Variants in ALG8 observed in about 807,000 individuals in gnomAD.
The protein encoded by ALG8 is dolichyl pyrophosphate Glc1Man9GlcNAc2 alpha-1,3-glucosyltransferase.
In ALG8, 48 loss-of-function variants were observed where a neutral mutation model predicts 70.2. The observed-to-expected ratio is 0.68, with a 90% CI of 0.54 to 0.87. The LOEUF (loss-of-function observed/expected upper bound fraction) is 0.87, where lower values mean the gene tolerates loss of function less well. Ranked by LOEUF, ALG8 falls within the 40% of genes least tolerant of loss-of-function variation. ALG8 has a pLI of 0.00. For missense variants in ALG8, 572 were observed against 608.7 expected, an observed-to-expected ratio of 0.94 and a Z score of 0.64; for synonymous variants, 234 against 229.0, an observed-to-expected ratio of 1.02 and a Z score of -0.20.
chr11:78,136,415 T>C (rs1320965833), intron 1 of ALG8, among the ~76,000 whole-genome samples: 4 of 151,984 alleles, frequency 2.6e-5, no homozygotes, highest in Non-Finnish European at 5.9e-5. Context: ...GCATCTGTCT[T>C]TGTCCCAGCT....
intron 10 of ALG8, 115 bp downstream of exon 10, chr11:78,106,692 A>G: frequency 7.2e-7 from 1 of 1,381,278 alleles, no homozygotes; most frequent in Non-Finnish European, 1.0e-6. Flanking sequence ...ATCTGTTCCT[A>G]TACATCTTTG....
chr11:78,129,143 G>C (rs369423722), intron 1 of ALG8, among the ~76,000 whole-genome samples: 2 of 151,844 alleles, frequency 1.3e-5, no homozygotes, highest in Non-Finnish European at 2.9e-5. Flanking sequence ...AAGTGGGGCC[G>C]GGCGCGGTGG....
rs372251008 is a variant in ALG8 at position 78,104,473 on chromosome 11, C to A, written c.1179-20G>T. 4.0e-5 allele frequency: 62 copies of A among 1,550,866 alleles called. 1 individual carries two copies. In the African/African-American group the frequency reaches 8.2e-4, roughly 21 times the overall value. On this transcript the variant is annotated intron_variant, in intron 10 of 12. Transcript: ENST00000299626. ...AAAAGGCTAAAAATAAAAATAATTT[C>A]TTAAAACAACAACTGTTATTACACT...
At chr11:78,114,709 C>T (rs1216350664) in intron 5 of ALG8, 1 of 432,376 alleles carries the variant, frequency 2.3e-6, no homozygotes, top group Non-Finnish European at 4.5e-6. Context: ...CTCACACCTG[C>T]AATCCCAGCA....
chr11:78,109,019 C>G (rs1285223942), intron 9 of ALG8, among the ~76,000 whole-genome samples: 1 of 152,208 alleles, frequency 6.6e-6, no homozygotes, highest in African/African-American at 2.4e-5. Flanking sequence ...ACTCTCTCAA[C>G]TCATTATCAC....
At chr11:78,104,663 G>A (rs564471416) in intron 10 of ALG8, 266 of 495,674 alleles carry the variant, frequency 5.4e-4, no homozygotes, top group Non-Finnish European at 8.3e-4. Context: ...CAGGGGTATC[G>A]TAAAAGAATC....
In ALG8 at chr11:78,104,044, T is replaced by C. The variant is rs200068321; in HGVS notation, c.1285A>G (p.Ile429Val). 1.5e-4 allele frequency: 231 copies of C among 1,495,074 alleles called. No individual in the cohort carries two copies. Among genetic ancestry groups the C allele is most frequent in the Middle Eastern group, 3.4e-4 (2 of 5,868 alleles). The allele number at this position is 1,495,074 out of a possible 1,614,324, so 92.6% of individuals were successfully genotyped here. Residue 429 changes from isoleucine (I) to valine (V), a missense_variant, in exon 12 of 13, where the codon ATT becomes GTT. By Grantham distance (29) the Ile-to-Val change is conservative. Coordinates refer to ENST00000299626, the MANE Select transcript of ALG8 (RefSeq NM_024079.5). ...PLLFTAPELP[I>V]KILLMLLFTI... ...AATAGTAACATGAGTAAGATTTTAA[T>C]GGGAAGTTCTGTTAAAAGAATAGAA...
At chr11:78,125,979 G>A (rs1194356771) in intron 2 of ALG8, among the ~76,000 whole-genome samples, 1 of 151,806 alleles carries the variant, frequency 6.6e-6, no homozygotes, top group East Asian at 2.0e-4. Context: ...CTAATATGGT[G>A]AAACCCCGTC....
chr11:78,122,607 G>C (rs138053947), intron 3 of ALG8, among the ~76,000 whole-genome samples: 4 of 152,194 alleles, frequency 2.6e-5, no homozygotes, highest in Admixed American at 2.0e-4. Context: ...CTCCCAAAGT[G>C]CTGGGATTAA....
intron 5 of ALG8, among the ~76,000 whole-genome samples, chr11:78,118,023 A>G (rs546875852): frequency 6.6e-6 from 1 of 150,848 alleles, no homozygotes; most frequent in African/African-American, 2.4e-5. Context: ...GTGAGCCAAG[A>G]TCGCGCCACT....
chr11:78,120,501 T>C (rs866068042), intron 4 of ALG8, among the ~76,000 whole-genome samples: 5 of 152,214 alleles, frequency 3.3e-5, no homozygotes, highest in Admixed American at 6.5e-5. Context: ...CTAAAGCTGC[T>C]AATGGCAACT....
chr11:78,134,378 C>T (rs1388137359), intron 1 of ALG8, among the ~76,000 whole-genome samples: 1 of 152,056 alleles, frequency 6.6e-6, no homozygotes, highest in African/African-American at 2.4e-5. Context: ...CCTCAGGTGA[C>T]CCGCCCGCCT....
At chr11:78,135,981 C>A (rs961803174) in intron 1 of ALG8, among the ~76,000 whole-genome samples, 10 of 151,856 alleles carry the variant, frequency 6.6e-5, no homozygotes, top group African/African-American at 2.4e-4. Context: ...CGAGCCTGGG[C>A]AACATGGTGA....
intron 1 of ALG8, among the ~76,000 whole-genome samples, chr11:78,129,099 G>A (rs149858557): frequency 0.013 from 2,021 of 152,026 alleles, 51 homozygotes; most frequent in African/African-American, 0.045. Context: ...TGCATAGTAT[G>A]CTCACTAAAA....
intron 8 of ALG8, among the ~76,000 whole-genome samples, chr11:78,111,275 A>G (rs932111314): frequency 1.3e-5 from 2 of 152,170 alleles, no homozygotes; most frequent in African/African-American, 4.8e-5. Flanking sequence ...AGGTGGTAAA[A>G]CTGAACTCAG....
At chr11:78,118,391 G>A (rs944833340) in intron 5 of ALG8, among the ~76,000 whole-genome samples, 11 of 152,092 alleles carry the variant, frequency 7.2e-5, no homozygotes, top group East Asian at 5.8e-4. Flanking sequence ...TGAGGCGGGC[G>A]GAACACTTGA....
At position 78,101,055 on chromosome 11, in the gene ALG8, A is replaced by C; in HGVS notation, c.1490T>G (p.Val497Gly). The C allele has an allele frequency of 1.2e-6, 2 of 1,614,218 alleles. No individual in the cohort carries two copies. Among genetic ancestry groups the C allele is most frequent in the Non-Finnish European group, 1.7e-6 (2 of 1,180,040 alleles). Residue 497 changes from valine to glycine, a missense_variant, in exon 13 of 13, where the codon GTG becomes GGG. Coordinates refer to ENST00000299626, the MANE Select transcript of ALG8 (RefSeq NM_024079.5). ...ATATGTGATGCCTACTGCACAATACACTGAGGTTAGTAACAAAGGGATGAA... is the reference window on the plus strand; with the variant it reads ...ATATGTGATGCCTACTGCACAATACCCTGAGGTTAGTAACAAAGGGATGAA... ...YPFIPLLLTS[V>G]YCAVGITYAW... is the part of the protein sequence containing the mutation.
intron 12 of ALG8, chr11:78,102,983 TA>T (rs1859864183): frequency 6.4e-6 from 1 of 156,564 alleles, no homozygotes; most frequent in South Asian, 1.9e-4. Context: ...TAGTTAACAT[TA>T]CATACAGTTT....
chr11:78,102,951 CA>C (rs35218171), intron 12 of ALG8: 73,634 of 119,684 alleles, frequency 0.62, 19,521 homozygotes, highest in African/African-American at 0.68. Flanking sequence ...AACTCCGTCT[CA>C]AAAAAAAAAA....
Sources: gnomAD v4.1 joint callset for allele counts (sites outside exome capture counted in the v4.1 genomes callset) on GRCh38, gnomAD v4.1.1 for gene constraint, MANE v1.5 for transcripts, NCBI Gene and HGNC (gene_info 2026-07-23, HGNC 2026-07-21) for gene names.